ANAPC4: variants seen among roughly 807,000 people sequenced by gnomAD.
ANAPC4 encodes the protein anaphase-promoting complex subunit 4.
Under a neutral mutation model 119.8 loss-of-function variants are expected in ANAPC4, and 63 were observed. The ratio of observed to expected loss-of-function variants is 0.53; its 90% CI spans 0.43 to 0.65. The LOEUF is 0.65. Among genes scored for constraint, ANAPC4 ranks in the 30% least tolerant of loss-of-function variants. The pLI is 0.00. For synonymous variants in ANAPC4, 283 were observed against 318.6 expected, an observed-to-expected ratio of 0.89 and a Z score of 1.19; for missense variants, 716 against 945.1, an observed-to-expected ratio of 0.76 and a Z score of 3.18.
At chr4:25,384,145 A>C (rs1721895393) in intron 4 of ANAPC4, among the ~76,000 whole-genome samples, 1 of 152,198 alleles carries the variant, frequency 6.6e-6, no homozygotes, top group Admixed American at 6.5e-5. Flanking sequence ...ACCAGGACTA[A>C]ATTCCATCTC....
At chr4:25,404,023 T>C (rs1326301519) in intron 17 of ANAPC4, among the ~76,000 whole-genome samples, 1 of 152,230 alleles carries the variant, frequency 6.6e-6, no homozygotes, top group Non-Finnish European at 1.5e-5. Flanking sequence ...CTCCAACAAA[T>C]GCAAAATTTA....
At chr4:25,403,375 A>G (rs188438042) in intron 17 of ANAPC4, among the ~76,000 whole-genome samples, 2 of 152,186 alleles carry the variant, frequency 1.3e-5, no homozygotes, top group Admixed American at 1.3e-4. Context: ...TCCTTGTGCT[A>G]GAAACATTCC....
At chr4:25,416,915 A>G (rs1401286353) in intron 27 of ANAPC4, 1 of 175,324 alleles carries the variant, frequency 5.7e-6, no homozygotes, top group African/African-American at 2.4e-5. Context: ...GGAATTAGTT[A>G]TTTTTGATTT....
chr4:25,403,741 A>G (rs1487123448), intron 17 of ANAPC4, among the ~76,000 whole-genome samples: 1 of 152,130 alleles, frequency 6.6e-6, no homozygotes, highest in South Asian at 2.1e-4. Context: ...AGCAGCCACA[A>G]ATGGTTAGTG....
At chr4:25,406,762 G>A (rs1388547045) in intron 18 of ANAPC4, 67 bp from the exon 19 acceptor site, 2 of 1,177,000 alleles carry the variant, frequency 1.7e-6, no homozygotes, top group Non-Finnish European at 2.4e-6. Context: ...TTATAATTAT[G>A]TACCATTTCT....
intron 16 of ANAPC4, among the ~76,000 whole-genome samples, chr4:25,402,749 T>C (rs1723044269): frequency 6.6e-6 from 1 of 152,210 alleles, no homozygotes; most frequent in Admixed American, 6.5e-5. Context: ...AGTTGGAATC[T>C]AAGTTATTTG....
chr4:25,388,771 G>A, intron 6 of ANAPC4, 28 bp downstream of exon 6: 3 of 1,606,820 alleles, frequency 1.9e-6, no homozygotes, highest in South Asian at 2.2e-5. Flanking sequence ...TTGTTTTCAA[G>A]TAAGATAATC....
At chr4:25,391,137 G>A in intron 9 of ANAPC4, 122 bp downstream of exon 9, 2 of 664,180 alleles carry the variant, frequency 3.0e-6, no homozygotes, top group South Asian at 4.4e-5. Flanking sequence ...AAATCGACTT[G>A]GAATTTCTAC....
rs1268856940 is a variant in ANAPC4 at position 25,390,931 on chromosome 4, A to G, written c.621A>G (p.Ala207=). 6.2e-7 allele frequency: 1 copy of G among 1,613,664 alleles called. No individual in the cohort carries two copies. The highest frequency in any genetic ancestry group is 8.5e-7 in the Non-Finnish European group (1 of 1,179,658). ...RVTGIAGTCL[A]LCLSSDLKSL... The stretch of plus-strand genomic sequence containing the variant: ...TACAGATTGCTGGTACTTGTCTTGC[A>G]TTATGTTTATCAAGTGATTTGAAAT... The change falls in exon 9 of 29, where the codon GCA becomes GCG. Residue 207 remains alanine, a synonymous_variant. Transcript: ENST00000315368.
intron 17 of ANAPC4, among the ~76,000 whole-genome samples, chr4:25,404,823 C>T (rs1723169584): frequency 1.3e-5 from 2 of 151,912 alleles, no homozygotes; most frequent in Admixed American, 1.3e-4. Flanking sequence ...ATTGCTAGCA[C>T]CTAGGGTATG....
rs201642475 is a variant in ANAPC4 at position 25,390,183 on chromosome 4, A to T, written c.563A>T (p.Tyr188Phe). 10 of 1,613,208 alleles carry T rather than the reference A, an allele frequency of 6.2e-6. No individual in the cohort carries two copies. The highest frequency in any genetic ancestry group is 2.2e-5 in the East Asian group (1 of 44,734). ...LGGSSGFIELYAYGMFKIARV... is the reference protein window; with the variant it reads ...LGGSSGFIELFAYGMFKIARV... Reference sequence around the variant, plus strand: ...GGAAGCTCTGGATTTATTGAGCTTTATGCTTATGGAATGTTTAAAATTGCT... The same window carrying T: ...GGAAGCTCTGGATTTATTGAGCTTTTTGCTTATGGAATGTTTAAAATTGCT... Residue 188 changes from tyrosine (Y) to phenylalanine (F), a missense_variant, in exon 8 of 29, where the codon TAT becomes TTT. Coordinates refer to ENST00000315368, the MANE Select transcript of ANAPC4 (RefSeq NM_013367.3).
At chr4:25,409,555 A>T in intron 20 of ANAPC4, 143 bp from the exon 21 acceptor site, 1 of 590,324 alleles carries the variant, frequency 1.7e-6, no homozygotes, top group Non-Finnish European at 3.0e-6. Context: ...TATTAAGTTA[A>T]AAAAGTGTTA....
chr4:25,415,064 T>C (rs1723784054), intron 25 of ANAPC4: 1 of 179,328 alleles, frequency 5.6e-6, no homozygotes, highest in Non-Finnish European at 1.1e-5. Context: ...GGCTGCCTTA[T>C]AGAAATGATT....
rs1386230158 is a variant in ANAPC4, at chr4:25,414,659, T to C, written c.1785T>C (p.Leu595=). ...YLLFTILEDS[L]YKMCILRRHT... is the part of the protein sequence containing the mutation. ...TTTTTACTATTCTAGAAGATTCACTTTATAAAATGTGCATCTTAAGGAGAC... is the reference window on the plus strand; with the variant it reads ...TTTTTACTATTCTAGAAGATTCACTCTATAAAATGTGCATCTTAAGGAGAC... The change falls in exon 25 of 29, where the codon CTT becomes CTC. Residue 595 remains leucine (L), a synonymous_variant. Transcript: ENST00000315368. The C allele has an allele frequency of 6.5e-7, 1 of 1,549,718 alleles. No individual in the cohort carries two copies. The highest frequency in any genetic ancestry group is 8.8e-7 in the Non-Finnish European group (1 of 1,139,628).
At chr4:25,380,858 C>T (rs1458308943) in intron 3 of ANAPC4, among the ~76,000 whole-genome samples, 1 of 152,188 alleles carries the variant, frequency 6.6e-6, no homozygotes, top group Non-Finnish European at 1.5e-5. Context: ...TTTTCTTTCA[C>T]AATATATTTT....
At chr4:25,381,254 G>A (rs2109108788) in intron 3 of ANAPC4, among the ~76,000 whole-genome samples, 1 of 152,272 alleles carries the variant, frequency 6.6e-6, no homozygotes, top group Non-Finnish European at 1.5e-5. Context: ...AAGAAAAAAA[G>A]TGAATTGTTT....
At chr4:25,394,976 C>G in intron 14 of ANAPC4, 71 bp downstream of exon 14, 1 of 1,187,894 alleles carries the variant, frequency 8.4e-7, no homozygotes, top group Non-Finnish European at 1.2e-6. Context: ...TTTCCGCCGC[C>G]TTTTCTTCAT....
chr4:25,416,749 A>T lies in ANAPC4; in HGVS notation c.2075+151A>T, dbSNP rs1723900966. ...CTGAGCAGAAATGCTCCAATTTTTC[A>T]TTCAAAATATGCTGGCCTTAATAGC... On this transcript the variant is annotated intron_variant, in intron 27 of 28. Transcript: ENST00000315368. 4 of 525,628 alleles carry T rather than the reference A, an allele frequency of 7.6e-6. No homozygotes were observed. The South Asian group carries it at 2.7e-4, about 35-fold the overall frequency. The allele number at this position is 525,628 out of a possible 1,614,324, so 32.6% of individuals were successfully genotyped here. A position where few individuals can be genotyped will look rare whatever the true frequency, so the allele number is the denominator to read the frequency against.
At chr4:25,399,584 A>C (rs1346441383) in intron 16 of ANAPC4, among the ~76,000 whole-genome samples, 1 of 152,086 alleles carries the variant, frequency 6.6e-6, no homozygotes, top group African/African-American at 2.4e-5. Flanking sequence ...ATCCAGCAGC[A>C]CACACAGTGT....
Sources: allele counts gnomAD v4.1 joint callset (sites outside exome capture counted in the v4.1 genomes callset), GRCh38; gene constraint gnomAD v4.1.1; transcripts MANE v1.5; gene names NCBI Gene and HGNC (gene_info 2026-07-23, HGNC 2026-07-21).